The following IVD variants were observed in gnomAD, a reference collection of about 807,000 sequenced individuals.
IVD encodes isovaleryl-CoA dehydrogenase, mitochondrial.
In IVD, 31 loss-of-function variants were observed where a neutral mutation model predicts 51.3. That is an observed-to-expected ratio of 0.60 (90% CI 0.45 to 0.81). The LOEUF (loss-of-function observed/expected upper bound fraction) is 0.81, where lower values mean the gene tolerates loss of function less well. Ranked by LOEUF, IVD falls within the 40% of genes least tolerant of loss-of-function variation. The pLI is 0.00. For missense variants in IVD, 475 were observed against 552.0 expected (o/e 0.86, Z 1.40); for synonymous variants, 205 against 219.4 (o/e 0.93, Z 0.58).
intron 6 of IVD, among the ~76,000 whole-genome samples, chr15:40,411,973 AG>A (rs1891136318): frequency 6.6e-6 from 1 of 152,226 alleles, no homozygotes; most frequent in Non-Finnish European, 1.5e-5. Context: ...CATGACGGTC[AG>A]GGTACCATTG....
At chr15:40,435,417 G>C (rs951578820) in exon 9 of IVD, 1 of 1,197,898 alleles carries the variant, frequency 8.3e-7, no homozygotes, top group Non-Finnish European at 1.1e-6. Flanking sequence ...TTTCCCCTAG[G>C]GCAGACCTTT....
intron 11 of IVD, among the ~76,000 whole-genome samples, chr15:40,417,502 CAAA>C (rs61345321): frequency 1.0e-4 from 9 of 88,634 alleles, no homozygotes; most frequent in African/African-American, 3.1e-4. Flanking sequence ...AGCATGACTC[CAAA>C]AAAAAAAAAA....
intron 3 of IVD, among the ~76,000 whole-genome samples, chr15:40,408,567 C>A (rs939855223): frequency 2.0e-5 from 3 of 151,962 alleles, no homozygotes; most frequent in African/African-American, 7.3e-5. Flanking sequence ...ATAGGCTGTC[C>A]GGAGGGAGAA....
downstream of IVD, among the ~76,000 whole-genome samples, chr15:40,427,503 A>T (rs1368987452): frequency 6.6e-6 from 1 of 152,090 alleles, no homozygotes; most frequent in Non-Finnish European, 1.5e-5. Context: ...CTCTACAAAG[A>T]CATGTGTTTT....
Position 40,414,988 on chromosome 15 carries a change from T to A in IVD, c.878+6T>A. 1 of 1,613,386 alleles carries A rather than the reference T, an allele frequency of 6.2e-7. No individual in the cohort carries two copies. Among genetic ancestry groups the A allele is most frequent in the Non-Finnish European group, 8.5e-7 (1 of 1,179,810 alleles). On this transcript the variant is annotated splice_donor_region_variant and intron_variant, in intron 8 of 11. Transcript: ENST00000487418. ...CTGGCCGGGGGGCCTCTTGGGTAAG[T>A]GTGAGAGGCTTGAGGGAAGCTGGGC...
chr15:40,429,251 G>A (rs561694218), downstream of IVD, among the ~76,000 whole-genome samples: 1 of 152,186 alleles, frequency 6.6e-6, no homozygotes, highest in African/African-American at 2.4e-5. Flanking sequence ...CCCCCAGCTG[G>A]CACACCCCAG....
chr15:40,411,036 T>A (rs1891018186), intron 4 of IVD, among the ~76,000 whole-genome samples: 1 of 152,168 alleles, frequency 6.6e-6, no homozygotes, highest in Non-Finnish European at 1.5e-5. Context: ...CTCTAAGAAA[T>A]GGAAGAGTAG....
At chr15:40,424,278 C>A, downstream of IVD, 1 of 931,224 alleles carries the variant, frequency 1.1e-6, no homozygotes, top group African/African-American at 1.7e-5. Flanking sequence ...TCCCCTTCTG[C>A]TGCTTCCCTC....
Position 40,412,992 on chromosome 15 carries a change from G to A in IVD, c.689G>A (p.Gly230Asp), listed in dbSNP as rs745776262. The change falls in exon 7 of 12, where the codon GGT becomes GAT. Residue 230 changes from glycine to aspartate, a missense_variant and splice_region_variant. Physicochemically the swap from Gly to Asp is moderately conservative, Grantham distance 94. Coordinates refer to ENST00000487418, the MANE Select transcript of IVD (RefSeq NM_002225.5). ...RGITAFIVEKGMPGFSTSKKL... is the reference protein window; with the variant it reads ...RGITAFIVEKDMPGFSTSKKL... ...GACCACCTTTTGTTTCCTGTAAAGG[G>A]TATGCCTGGCTTTAGCACCTCTAAG... The A allele has an allele frequency of 1.9e-6, 3 of 1,613,506 alleles. No individual in the cohort carries two copies. The highest frequency in any genetic ancestry group is 3.3e-5 in the Admixed American group (2 of 60,012).
chr15:40,420,853 C>G lies in IVD; in HGVS notation c.*2590C>G, dbSNP rs1015725276. 1.0e-6 allele frequency: 1 copy of G among 985,392 alleles called. No individual in the cohort carries two copies. The highest frequency in any genetic ancestry group is 1.7e-5 in the African/African-American group (1 of 57,248). The allele number at this position is 985,392 out of a possible 1,614,324, so 61.0% of individuals were successfully genotyped here. A position where few individuals can be genotyped will look rare whatever the true frequency, so the allele number is the denominator to read the frequency against. On this transcript the variant is annotated 3_prime_UTR_variant, in exon 12 of 12. Transcript: ENST00000487418. ...TACAGCAGTCTGGATAGAGTGTGAT[C>G]TGAGAAGGGAATGGGTCTGGGTTGT... is the stretch of plus-strand genomic sequence containing the variant.
intron 7 of IVD, among the ~76,000 whole-genome samples, chr15:40,413,934 T>C (rs960245631): frequency 4.6e-5 from 7 of 152,044 alleles, no homozygotes; most frequent in Non-Finnish European, 8.8e-5. Flanking sequence ...GATCTTGGCT[T>C]ACTGCAACCT....
intron 1 of IVD, chr15:40,406,277 G>A: frequency 6.9e-7 from 1 of 1,443,404 alleles, no homozygotes. Context: ...TGGAGGATTG[G>A]CCAGGCTACC....
intron 7 of IVD, among the ~76,000 whole-genome samples, chr15:40,431,235 C>T (rs1012612831): frequency 1.3e-5 from 2 of 151,816 alleles, no homozygotes; most frequent in African/African-American, 4.8e-5. Flanking sequence ...CCTCCCACCT[C>T]TGCCTCCCTG....
At position 40,421,061 on chromosome 15, in the gene IVD, G is replaced by C; in HGVS notation, c.*2798G>C. The C allele has an allele frequency of 1.0e-6, 1 of 985,466 alleles. No individual in the cohort carries two copies. Among genetic ancestry groups the C allele is most frequent in the African/African-American group, 1.7e-5 (1 of 57,360 alleles). 61.0% of individuals were successfully genotyped at this position (985,466 alleles called of 1,614,324 possible). A position where few individuals can be genotyped will look rare whatever the true frequency, so the allele number is the denominator to read the frequency against. ...TCCCATCCTGAGGGCAAGATCCTGG[G>C]CTCATAGGCAGTCCCTTTCACTTCC... On this transcript the variant is annotated 3_prime_UTR_variant, in exon 12 of 12. Coordinates refer to ENST00000487418, the MANE Select transcript of IVD (RefSeq NM_002225.5).
At chr15:40,428,324 A>T (rs1486060567), downstream of IVD, among the ~76,000 whole-genome samples, 1 of 151,864 alleles carries the variant, frequency 6.6e-6, no homozygotes, top group Non-Finnish European at 1.5e-5. Context: ...ATCACCACCT[A>T]GATATTGAGA....
intron 6 of IVD, 183 bp from the exon 7 acceptor site, chr15:40,412,807 TG>T (rs1891219851): frequency 1.7e-6 from 1 of 603,888 alleles, no homozygotes; most frequent in Admixed American, 2.7e-5. Context: ...CAGAGGAGGC[TG>T]GGATCAATCT....
chr15:40,427,546 C>G (rs1260650485), downstream of IVD, among the ~76,000 whole-genome samples: 1 of 152,194 alleles, frequency 6.6e-6, no homozygotes, highest in Non-Finnish European at 1.5e-5. Context: ...CAAAGTCTTT[C>G]TATTTACAGG....
intron 3 of IVD, among the ~76,000 whole-genome samples, chr15:40,409,441 C>A (rs932197461): frequency 6.6e-6 from 1 of 151,978 alleles, no homozygotes; most frequent in African/African-American, 2.4e-5. Flanking sequence ...AAAACTCTTT[C>A]AAGGGAACCT....
intron 9 of IVD, among the ~76,000 whole-genome samples, 192 bp from the exon 10 acceptor site, chr15:40,415,886 G>A (rs1234941564): frequency 2.6e-5 from 4 of 152,172 alleles, no homozygotes; most frequent in Non-Finnish European, 5.9e-5. Flanking sequence ...GGTGTCATGC[G>A]GGCTGTGGAA....
Sources: allele counts gnomAD v4.1 joint callset (sites outside exome capture counted in the v4.1 genomes callset), GRCh38; gene constraint gnomAD v4.1.1; transcripts MANE v1.5; gene names NCBI Gene and HGNC (gene_info 2026-07-23, HGNC 2026-07-21).